The following CCDC85A variants were observed in gnomAD, a reference collection of about 807,000 sequenced individuals.
CCDC85A encodes coiled-coil domain containing 85A, also known as coiled-coil domain-containing protein 85A.
In CCDC85A, 38 loss-of-function variants were observed where a neutral mutation model predicts 50.2. The observed-to-expected ratio is 0.76, with a 90% confidence interval of 0.58 to 0.99. The LOEUF (loss-of-function observed/expected upper bound fraction) is 0.99. Ranked by LOEUF, CCDC85A falls within the 50% of genes least tolerant of loss-of-function variation. CCDC85A has a pLI of 0.00. For missense variants in CCDC85A, 820 were observed against 742.0 expected (o/e 1.11, Z -1.22); for synonymous variants, 366 against 301.4 (o/e 1.21, Z -2.22).
chr2:56,203,640 C>G (rs1457515960), intron 2 of CCDC85A, among the ~76,000 whole-genome samples: 1 of 152,072 alleles, frequency 6.6e-6, no homozygotes, highest in African/African-American at 2.4e-5. Flanking sequence ...TTTCTATTCG[C>G]AAGGCATATG....
At position 56,244,964 on chromosome 2, in the gene CCDC85A, TCTTC is replaced by T. The variant is rs376173256; in HGVS notation, c.1240+51529_1240+51532del. ...ACTTTCAGAACAAAGTCCTGTTTAC[TCTTC>T]CTTCTCCTCTCCTCAAGCAGAAGGA... On this transcript the variant is annotated intron_variant, in intron 2 of 5. Transcript: ENST00000407595. Among the ~76,000 whole-genome samples the T allele has an allele frequency of 3.8e-4, 58 of 152,212 alleles. No homozygotes were observed. In the East Asian group the frequency reaches 0.01, roughly 27 times the overall value.
chr2:56,190,133 A>T (rs755740044), intron 1 of CCDC85A, among the ~76,000 whole-genome samples: 5 of 152,218 alleles, frequency 3.3e-5, no homozygotes, highest in African/African-American at 1.2e-4. Flanking sequence ...TGTTAAGGGC[A>T]GTGTTGAAAT....
At chr2:56,324,134 T>G (rs1673352697) in intron 2 of CCDC85A, among the ~76,000 whole-genome samples, 1 of 152,154 alleles carries the variant, frequency 6.6e-6, no homozygotes, top group African/African-American at 2.4e-5. Flanking sequence ...CCTATTCCTG[T>G]GTATAACATG....
chr2:56,244,323 G>A (rs1026776306), intron 2 of CCDC85A, among the ~76,000 whole-genome samples: 5 of 152,090 alleles, frequency 3.3e-5, no homozygotes, highest in Non-Finnish European at 4.4e-5. Flanking sequence ...GCCAGCAGAG[G>A]AATCACTGCC....
At chr2:56,367,596 C>T (rs1675861685) in intron 3 of CCDC85A, among the ~76,000 whole-genome samples, 1 of 152,132 alleles carries the variant, frequency 6.6e-6, no homozygotes, top group Non-Finnish European at 1.5e-5. Flanking sequence ...TATTTGGCAA[C>T]ATCCTTGGCC....
At chr2:56,344,541 A>G (rs761441782) in intron 3 of CCDC85A, among the ~76,000 whole-genome samples, 14 of 152,220 alleles carry the variant, frequency 9.2e-5, no homozygotes, top group Non-Finnish European at 2.1e-4. Flanking sequence ...CTGTACTTCT[A>G]TCTCTTCTCA....
chr2:56,199,203 A>G (rs1676639669), intron 2 of CCDC85A, among the ~76,000 whole-genome samples: 1 of 152,234 alleles, frequency 6.6e-6, no homozygotes, highest in South Asian at 2.1e-4. Flanking sequence ...CAAGGGTCAA[A>G]TGAATCAGAC....
intron 2 of CCDC85A, among the ~76,000 whole-genome samples, chr2:56,264,532 C>T (rs138112008): frequency 1.1e-3 from 172 of 152,284 alleles, no homozygotes; most frequent in Middle Eastern, 6.8e-3. Context: ...TCTACCTATA[C>T]TGCCAACACC....
chr2:56,185,030 C>A, intron 1 of CCDC85A, 130 bp downstream of exon 1: 1 of 1,140,888 alleles, frequency 8.8e-7, no homozygotes, highest in Non-Finnish European at 1.2e-6. Context: ...TCGGCACCCC[C>A]TACCCCCAGT....
intron 2 of CCDC85A, among the ~76,000 whole-genome samples, chr2:56,249,354 G>A (rs34483477): frequency 2.1e-3 from 318 of 152,370 alleles, no homozygotes; most frequent in Middle Eastern, 6.8e-3. Context: ...CCTTGCCAGG[G>A]ACACTTATTG....
At chr2:56,354,309 A>G (rs1573325289) in intron 3 of CCDC85A, among the ~76,000 whole-genome samples, 1 of 152,258 alleles carries the variant, frequency 6.6e-6, no homozygotes, top group South Asian at 2.1e-4. Flanking sequence ...AAGAGACGAC[A>G]AAGACATGAG....
chr2:56,343,368 G>T (rs139908648), intron 3 of CCDC85A, among the ~76,000 whole-genome samples: 40 of 152,276 alleles, frequency 2.6e-4, no homozygotes, highest in Admixed American at 3.9e-4. Flanking sequence ...GGAAGGTTTC[G>T]CATTATAATT....
At chr2:56,238,494 TA>T (rs1444968959) in intron 2 of CCDC85A, among the ~76,000 whole-genome samples, 13 of 152,228 alleles carry the variant, frequency 8.5e-5, no homozygotes, top group African/African-American at 1.2e-4. Context: ...AATATTCTAT[TA>T]AAAAGGTTTA....
chr2:56,278,080 C>T (rs1043276855), intron 2 of CCDC85A, among the ~76,000 whole-genome samples: 1 of 152,190 alleles, frequency 6.6e-6, no homozygotes, highest in Admixed American at 6.5e-5. Flanking sequence ...GAGCTCAGGA[C>T]ATTAGTACTG....
At chr2:56,189,923 A>G (rs186591772) in intron 1 of CCDC85A, among the ~76,000 whole-genome samples, 2 of 152,210 alleles carry the variant, frequency 1.3e-5, no homozygotes, top group Non-Finnish European at 2.9e-5. Context: ...GCCTGAAAAC[A>G]GAAAGTGGCA....
Position 56,193,082 on chromosome 2 carries a change from G to T in CCDC85A, c.882G>T (p.Arg294Ser). 1 of 1,613,540 alleles carries T rather than the reference G, an allele frequency of 6.2e-7. No individual in the cohort carries two copies. The highest frequency in any genetic ancestry group is 8.5e-7 in the Non-Finnish European group (1 of 1,179,762). Residue 294 changes from arginine (R) to serine (S), a missense_variant, in exon 2 of 6, where the codon AGG becomes AGT. Physicochemically the swap from Arg to Ser is moderately radical, Grantham distance 110. Transcript: ENST00000407595. ...GCAAGGGCAGCCCCGAACAGCAAAG[G>T]CACCCGCATCCAGGGAGCAGCCCCG... ...PLCKGSPEQQRHPHPGSSPET... is the reference protein window; with the variant it reads ...PLCKGSPEQQSHPHPGSSPET...
chr2:56,218,241 A>C (rs1668171113), intron 2 of CCDC85A, among the ~76,000 whole-genome samples: 2 of 151,898 alleles, frequency 1.3e-5, no homozygotes, highest in Non-Finnish European at 2.9e-5. Context: ...TTTAAAAGAA[A>C]CTGGACACTG....
chr2:56,366,975 T>C (rs1228757805), intron 3 of CCDC85A, among the ~76,000 whole-genome samples: 1 of 152,192 alleles, frequency 6.6e-6, no homozygotes, highest in Non-Finnish European at 1.5e-5. Context: ...GTGTTTCATG[T>C]GTCAGGGCCC....
intron 2 of CCDC85A, among the ~76,000 whole-genome samples, chr2:56,201,081 CA>C (rs1417225839): frequency 2.5e-4 from 1 of 3,986 alleles, no homozygotes; most frequent in Non-Finnish European, 9.3e-4. Flanking sequence ...TCTCTCCACA[CA>C]CACACACACA....
Sources: allele counts gnomAD v4.1 joint callset (sites outside exome capture counted in the v4.1 genomes callset), GRCh38; gene constraint gnomAD v4.1.1; transcripts MANE v1.5; gene names NCBI Gene and HGNC (gene_info 2026-07-23, HGNC 2026-07-21).